Variants in TTC34 observed in about 807,000 individuals in gnomAD.
TTC34 encodes tetratricopeptide repeat domain 34, also known as tetratricopeptide repeat protein 34.
A neutral mutation model predicts 40.7 loss-of-function variants in TTC34; 44 were observed. That is an observed-to-expected ratio of 1.08 (90% confidence interval 0.85 to 1.39). The LOEUF (loss-of-function observed/expected upper bound fraction) is 1.39. TTC34 is among the 40% of genes most tolerant of loss of function. The probability of loss-of-function intolerance (pLI) is 0.00; values close to 1 mark genes in which losing one functional copy is unlikely to be tolerated. For missense variants in TTC34, 884 were observed against 838.0 expected (o/e 1.05, Z -0.68); for synonymous variants, 422 against 398.6 (o/e 1.06, Z -0.70).
chr1:2,675,151 G>C (rs1199145059), intron 6 of TTC34, among the ~76,000 whole-genome samples: 7 of 127,376 alleles, frequency 5.5e-5, no homozygotes, highest in Admixed American at 1.6e-4. Context: ...GCCCGTAGCA[G>C]CACCCACACC....
chr1:2,799,508 A>T (rs1643750266), intron 2 of TTC34, among the ~76,000 whole-genome samples: 1 of 151,410 alleles, frequency 6.6e-6, no homozygotes, highest in African/African-American at 2.4e-5. Context: ...GCCCCATTGC[A>T]CTCCAGCCTG....
At chr1:2,755,707 C>A (rs1291644926) in intron 6 of TTC34, among the ~76,000 whole-genome samples, 20 of 10,810 alleles carry the variant, frequency 1.9e-3, no homozygotes, top group East Asian at 0.013. Context: ...CCCAAACCCA[C>A]AGGTGAGCAT....
At chr1:2,683,604 C>T (rs1337751785) in intron 6 of TTC34, among the ~76,000 whole-genome samples, 1 of 144,896 alleles carries the variant, frequency 6.9e-6, no homozygotes, top group African/African-American at 2.7e-5. Flanking sequence ...CTCAGGCGAG[C>T]ATCTGACATC....
At chr1:2,692,021 A>G (rs1640642440) in intron 6 of TTC34, among the ~76,000 whole-genome samples, 1 of 102,516 alleles carries the variant, frequency 9.8e-6, no homozygotes, top group African/African-American at 3.6e-5. Flanking sequence ...ATCAGCACCC[A>G]CACCCCCAGG....
intron 6 of TTC34, among the ~76,000 whole-genome samples, chr1:2,751,490 C>A (rs1377717985): frequency 1.9e-5 from 2 of 104,108 alleles, no homozygotes; most frequent in Non-Finnish European, 3.7e-5. Flanking sequence ...CCCCCATGCC[C>A]AGGTGAGCCT....
At chr1:2,749,514 GC>G (rs1641248494) in intron 6 of TTC34, among the ~76,000 whole-genome samples, 1 of 71,826 alleles carries the variant, frequency 1.4e-5, no homozygotes. Flanking sequence ...GCCTGGAGCA[GC>G]ACCCAGATTC....
At chr1:2,755,701 A>T (rs1265892888) in intron 6 of TTC34, among the ~76,000 whole-genome samples, 2 of 15,446 alleles carry the variant, frequency 1.3e-4, no homozygotes, top group East Asian at 4.3e-3. Context: ...CAGCACCCCA[A>T]ACCCACAGGT....
At chr1:2,784,745 A>G (rs1019795729) in intron 5 of TTC34, among the ~76,000 whole-genome samples, 26 of 152,258 alleles carry the variant, frequency 1.7e-4, no homozygotes, top group Admixed American at 1.7e-3. Context: ...CTAATGATTA[A>G]TAATGATTAA....
At chr1:2,767,310 CA>C (rs1641795070) in intron 6 of TTC34, among the ~76,000 whole-genome samples, 1 of 45,418 alleles carries the variant, frequency 2.2e-5, no homozygotes, top group African/African-American at 1.0e-4. Flanking sequence ...CAGCCTGGAG[CA>C]GCACCCACAC....
intron 6 of TTC34, among the ~76,000 whole-genome samples, chr1:2,694,122 C>T (rs1192888371): frequency 4.1e-5 from 5 of 122,098 alleles, no homozygotes; most frequent in East Asian, 2.6e-4. Flanking sequence ...CAGGTGCGCA[C>T]GTGACAGCCT....
chr1:2,643,179 C>T (rs928299016), intron 8 of TTC34, among the ~76,000 whole-genome samples: 1 of 152,222 alleles, frequency 6.6e-6, no homozygotes, highest in Non-Finnish European at 1.5e-5. Flanking sequence ...CTCCCCTGAG[C>T]CCGCGGCTCG....
At chr1:2,695,669 C>A (rs1326752389) in intron 6 of TTC34, among the ~76,000 whole-genome samples, 3 of 143,798 alleles carry the variant, frequency 2.1e-5, no homozygotes, top group Non-Finnish European at 4.7e-5. Context: ...TGGAACAGCA[C>A]CCACACCCCC....
exon 9 of TTC34, chr1:2,641,128 G>GGTGGTGT (rs1638891112): frequency 3.6e-6 from 1 of 277,882 alleles, no homozygotes; most frequent in African/African-American, 4.3e-5. Context: ...GGGCTGGGAA[G>GGTGGTGT]GGGGAGGGCT....
chr1:2,694,016 C>T (rs1234593662), intron 6 of TTC34, among the ~76,000 whole-genome samples: 1 of 105,982 alleles, frequency 9.4e-6, no homozygotes, highest in African/African-American at 3.3e-5. Context: ...CCGCCTGGAA[C>T]AGCACCCACA....
intron 6 of TTC34, among the ~76,000 whole-genome samples, chr1:2,756,870 C>CTG (rs1641524272): frequency 0.035 from 3,843 of 110,090 alleles, no homozygotes; most frequent in Admixed American, 0.065. Flanking sequence ...CCCACACCTC[C>CTG]AGGTGAGCAT....
rs1422145768 is a variant in TTC34, at chr1:2,750,976, C to T, written c.2226+32633G>A. ...GGAGCAGCACCCACACCCCCAGGTG[C>T]GCATGTGATGGTCTGGAGCAGCACC... On this transcript the variant is annotated intron_variant, in intron 6 of 8. Transcript: ENST00000401095. Among the ~76,000 whole-genome samples the T allele has an allele frequency of 6.3e-4, 16 of 25,390 alleles. No individual in the cohort carries two copies. The South Asian group carries it at 0.015, about 24-fold the overall frequency. 16.7% of individuals were successfully genotyped at this position (25,390 alleles called of 152,430 possible).
chr1:2,798,825 ACCAGCCTC>A (rs1305650117), intron 2 of TTC34, among the ~76,000 whole-genome samples: 4 of 7,680 alleles, frequency 5.2e-4, no homozygotes, highest in Non-Finnish European at 2.4e-4. Flanking sequence ...CTCCCAGCCC[ACCAGCCTC>A]CCAGCCTCTC....
intron 6 of TTC34, among the ~76,000 whole-genome samples, chr1:2,688,777 G>A (rs1640490472): frequency 8.7e-6 from 1 of 115,034 alleles, no homozygotes. Context: ...CACATCCCCA[G>A]GCGAGCATCT....
intron 6 of TTC34, among the ~76,000 whole-genome samples, chr1:2,683,537 G>A (rs1433423196): frequency 6.7e-6 from 1 of 149,946 alleles, no homozygotes; most frequent in African/African-American, 2.5e-5. Flanking sequence ...CTGATGGTCT[G>A]GAGCAGCACC....
Sources: allele counts gnomAD v4.1 joint callset (sites outside exome capture counted in the v4.1 genomes callset), GRCh38; gene constraint gnomAD v4.1.1; transcripts MANE v1.5; gene names NCBI Gene and HGNC (gene_info 2026-07-23, HGNC 2026-07-21).